Variants in KAZN observed in about 807,000 individuals in gnomAD.
KAZN encodes kazrin.
KAZN carries 40 observed loss-of-function variants against 87.4 expected under a neutral mutation model. That is an observed-to-expected ratio of 0.46 (90% CI 0.36 to 0.60). KAZN has a LOEUF of 0.60. Among genes scored for constraint, KAZN ranks in the 20% least tolerant of loss-of-function variants. The pLI is 0.00. For missense variants in KAZN, 898 were observed against 1,073.9 expected, an observed-to-expected ratio of 0.84 and a Z score of 2.29; for synonymous variants, 466 against 458.3, an observed-to-expected ratio of 1.02 and a Z score of -0.22.
intron 2 of KAZN, among the ~76,000 whole-genome samples, chr1:14,261,934 A>G (rs1188746965): frequency 1.3e-5 from 2 of 152,246 alleles, no homozygotes; most frequent in East Asian, 3.9e-4. Context: ...GTGGTCCCCA[A>G]ATGGTGGTGG....
intron 1 of KAZN, among the ~76,000 whole-genome samples, chr1:13,956,619 C>T (rs1328404781): frequency 6.6e-6 from 1 of 152,150 alleles, no homozygotes; most frequent in Non-Finnish European, 1.5e-5. Context: ...CATGGCCCAC[C>T]TAATGGTATG....
intron 1 of KAZN, among the ~76,000 whole-genome samples, chr1:14,083,717 T>C (rs16853565): frequency 0.099 from 15,100 of 152,266 alleles, 926 homozygotes; most frequent in East Asian, 0.13. Flanking sequence ...TTTCAAAGAC[T>C]TTCTCCTGAA....
In KAZN at chr1:14,924,575, A is replaced by G. The variant is rs1340984585; in HGVS notation, c.227-36109A>G. 3.0e-6 allele frequency: 3 copies of G among 1,002,578 alleles called. No homozygotes were observed. The East Asian group carries it at 3.2e-4, about 106-fold the overall frequency. The allele number at this position is 1,002,578 out of a possible 1,614,324, so 62.1% of individuals were successfully genotyped here. The stretch of plus-strand genomic sequence containing the variant: ...GGATGGCGACTGCAGCCAGCCCGGT[A>G]GGTGCGCGCGGGGCGGGGCGGGGCG... On this transcript the variant is annotated intron_variant, in intron 1 of 14. Transcript: ENST00000376030.
intron 1 of KAZN, among the ~76,000 whole-genome samples, chr1:14,153,441 A>G (rs1645520187): frequency 6.6e-6 from 1 of 152,090 alleles, no homozygotes; most frequent in Non-Finnish European, 1.5e-5. Context: ...AGCTTCATTT[A>G]TGTCTTTTTC....
chr1:14,372,287 G>C (rs7517101), intron 2 of KAZN, among the ~76,000 whole-genome samples: 3 of 152,092 alleles, frequency 2.0e-5, no homozygotes, highest in Admixed American at 1.3e-4. Flanking sequence ...AAATTTAAAT[G>C]TCTCTATAAT....
intron 2 of KAZN, among the ~76,000 whole-genome samples, chr1:14,559,382 G>A (rs1363021398): frequency 2.0e-5 from 3 of 152,146 alleles, no homozygotes; most frequent in Non-Finnish European, 4.4e-5. Flanking sequence ...TTCCATCCTC[G>A]GAATGATGGG....
intron 2 of KAZN, among the ~76,000 whole-genome samples, chr1:14,310,875 A>C (rs1655238935): frequency 6.6e-6 from 1 of 152,230 alleles, no homozygotes; most frequent in Non-Finnish European, 1.5e-5. Flanking sequence ...CAATCTTGGC[A>C]GTGAAGCCAA....
intron 1 of KAZN, among the ~76,000 whole-genome samples, chr1:14,760,075 A>C (rs1644694116): frequency 1.3e-5 from 2 of 152,096 alleles, no homozygotes; most frequent in Non-Finnish European, 2.9e-5. Context: ...TGTAACTTAC[A>C]TTCCAGGTGG....
intron 4 of KAZN, among the ~76,000 whole-genome samples, chr1:15,049,306 C>T (rs116516685): frequency 0.014 from 2,193 of 152,360 alleles, 32 homozygotes; most frequent in South Asian, 0.061. Flanking sequence ...TCGCTGCTGA[C>T]GAGCGCGGCT....
chr1:14,924,595 G>T, intron 1 of KAZN: 1 of 1,005,636 alleles, frequency 9.9e-7, no homozygotes, highest in Non-Finnish European at 1.2e-6. Context: ...GGGGCGGGGC[G>T]GGGCGGGCGG....
At chr1:14,920,537 C>A (rs572895412) in intron 1 of KAZN, among the ~76,000 whole-genome samples, 1 of 152,228 alleles carries the variant, frequency 6.6e-6, no homozygotes, top group Non-Finnish European at 1.5e-5. Context: ...ACACAGTGTG[C>A]CCTGGAGCAG....
At chr1:14,510,984 G>A (rs917307385) in intron 2 of KAZN, among the ~76,000 whole-genome samples, 3 of 151,936 alleles carry the variant, frequency 2.0e-5, no homozygotes, top group East Asian at 1.9e-4. Context: ...TCTCTTCGTC[G>A]CTCAAGATAC....
chr1:14,758,409 G>A (rs7532861), intron 1 of KAZN, among the ~76,000 whole-genome samples: 84,445 of 151,574 alleles, frequency 0.56, 24,508 homozygotes, highest in African/African-American at 0.68. Flanking sequence ...CTGAGCTCAA[G>A]TGATGCTTCT....
At chr1:14,391,862 GT>G (rs915122006) in intron 2 of KAZN, among the ~76,000 whole-genome samples, 1 of 152,160 alleles carries the variant, frequency 6.6e-6, no homozygotes, top group Admixed American at 6.5e-5. Context: ...GAAAACCTGA[GT>G]GTTTTTATTC....
chr1:14,119,140 G>T (rs889268867), intron 1 of KAZN, among the ~76,000 whole-genome samples: 5 of 152,146 alleles, frequency 3.3e-5, no homozygotes, highest in African/African-American at 1.2e-4. Flanking sequence ...AAAACATTCA[G>T]CTCTAACCCC....
chr1:14,590,303 C>A (rs1676116778), intron 2 of KAZN, among the ~76,000 whole-genome samples: 1 of 152,130 alleles, frequency 6.6e-6, no homozygotes, highest in Non-Finnish European at 1.5e-5. Flanking sequence ...AATGCACCAG[C>A]CACAGAGGAG....
At chr1:14,670,092 T>G (rs1441668696) in intron 1 of KAZN, among the ~76,000 whole-genome samples, 2 of 152,128 alleles carry the variant, frequency 1.3e-5, no homozygotes, top group Admixed American at 6.5e-5. Flanking sequence ...GTCTTCTCCC[T>G]TCCCTTCCCT....
chr1:14,292,687 C>G (rs554380178), intron 2 of KAZN, among the ~76,000 whole-genome samples: 1 of 152,194 alleles, frequency 6.6e-6, no homozygotes, highest in African/African-American at 2.4e-5. Flanking sequence ...AATGTGCTCC[C>G]GCCTCCCCAC....
chr1:14,031,914 T>C (rs1641344275), intron 1 of KAZN, among the ~76,000 whole-genome samples: 1 of 149,776 alleles, frequency 6.7e-6, no homozygotes, highest in African/African-American at 2.6e-5. Context: ...CAAAACCATC[T>C]TCATACCCTT....
Sources: allele counts gnomAD v4.1 joint callset (sites outside exome capture counted in the v4.1 genomes callset), GRCh38; gene constraint gnomAD v4.1.1; transcripts MANE v1.5; gene names NCBI Gene and HGNC (gene_info 2026-07-23, HGNC 2026-07-21).